The following HMG20A variants were observed in gnomAD, a reference collection of about 807,000 sequenced individuals.
HMG20A encodes high mobility group protein 20A.
In HMG20A, 17 loss-of-function variants were observed where a neutral mutation model predicts 43.9. The observed-to-expected ratio is 0.39, with a 90% CI of 0.27 to 0.58. HMG20A has a LOEUF of 0.58. HMG20A is among the 20% of genes least tolerant of loss of function. The pLI, the probability that HMG20A is intolerant of heterozygous loss-of-function variation, is 0.59. For missense variants in HMG20A, 341 were observed against 438.2 expected, an observed-to-expected ratio of 0.78 and a Z score of 1.98; for synonymous variants, 132 against 147.5, an observed-to-expected ratio of 0.89 and a Z score of 0.76.
At chr15:77,506,486 G>A in the HMG20A span, among the ~76,000 whole-genome samples, 690 of 152,246 alleles carry the variant, frequency 4.5e-3, 1 homozygote, top group African/African-American at 0.016. Context: ...TGGAGTGTGC[G>A]GCTGCCCTCT....
At chr15:77,497,682 A>AGAGAGTGTGTGTGT in the HMG20A span, among the ~76,000 whole-genome samples, 2 of 118,988 alleles carry the variant, frequency 1.7e-5, no homozygotes, top group African/African-American at 6.4e-5. Context: ...AGAGAGAGAG[A>AGAGAGTGTGTGTGT]GTGTGTGTGT....
chr15:77,491,388 G>C, the HMG20A span, among the ~76,000 whole-genome samples: 1 of 152,180 alleles, frequency 6.6e-6, no homozygotes, highest in African/African-American at 2.4e-5. Context: ...GTGGATTTTT[G>C]AAGTAGACTT....
the HMG20A span, among the ~76,000 whole-genome samples, chr15:77,513,465 C>T: frequency 3.3e-5 from 5 of 152,128 alleles, no homozygotes; most frequent in African/African-American, 7.2e-5. Context: ...TGCATCAGTC[C>T]GCCTGGGCCA....
intron 6 of HMG20A, among the ~76,000 whole-genome samples, chr15:77,476,716 A>T (rs1281458111): frequency 1.3e-5 from 2 of 152,176 alleles, no homozygotes; most frequent in Non-Finnish European, 2.9e-5. Context: ...TTATGCCAAC[A>T]CACTTAAAAT....
chr15:77,499,600 C>G, the HMG20A span, among the ~76,000 whole-genome samples: 1 of 152,112 alleles, frequency 6.6e-6, no homozygotes, highest in Non-Finnish European at 1.5e-5. Context: ...CCAGGACAGG[C>G]CTTTGTGGGG....
At chr15:77,490,512 T>C (rs955627226), downstream of HMG20A, among the ~76,000 whole-genome samples, 6 of 152,022 alleles carry the variant, frequency 3.9e-5, no homozygotes, top group Non-Finnish European at 8.8e-5. Flanking sequence ...ATGTGGAGAA[T>C]GAAAGAAAAA....
At chr15:77,430,169 AAT>A (rs1352790062) in intron 1 of HMG20A, among the ~76,000 whole-genome samples, 2 of 152,250 alleles carry the variant, frequency 1.3e-5, no homozygotes, top group East Asian at 3.8e-4. Flanking sequence ...ACATTTTATA[AAT>A]ATGTCTCATT....
Position 77,477,718 on chromosome 15 carries a change from T to C in HMG20A, c.691+88T>C, listed in dbSNP as rs1021246526. On this transcript the variant is annotated intron_variant, in intron 7 of 9. Coordinates refer to ENST00000336216, the MANE Select transcript of HMG20A (RefSeq NM_001304504.2). ...GAAATTCATTGCTCAAAAGCAATGG[T>C]AGTGTTATCCCTCCTTAGGACTACT... 12 of 857,232 alleles carry C rather than the reference T, an allele frequency of 1.4e-5. No homozygotes were observed. In the African/African-American group the frequency reaches 2.0e-4, roughly 14 times the overall value. The allele number at this position is 857,232 out of a possible 1,614,324, so 53.1% of individuals were successfully genotyped here. A position where few individuals can be genotyped will look rare whatever the true frequency, so the allele number is the denominator to read the frequency against.
At chr15:77,478,194 A>T in intron 7 of HMG20A, 101 bp from the exon 8 acceptor site, 1 of 1,142,908 alleles carries the variant, frequency 8.7e-7, no homozygotes, top group Non-Finnish European at 1.3e-6. Flanking sequence ...TGGGGTAGCT[A>T]AATTAGAGGC....
At chr15:77,472,919 C>T (rs1216960671) in intron 6 of HMG20A, among the ~76,000 whole-genome samples, 1 of 152,136 alleles carries the variant, frequency 6.6e-6, no homozygotes, top group African/African-American at 2.4e-5. Flanking sequence ...TATATCCAAC[C>T]CCATACCACC....
intron 1 of HMG20A, among the ~76,000 whole-genome samples, chr15:77,440,411 A>G (rs2073599330): frequency 6.6e-6 from 1 of 152,196 alleles, no homozygotes; most frequent in South Asian, 2.1e-4. Flanking sequence ...TTGGGTATTA[A>G]CTATAAATAA....
chr15:77,470,190 C>A (rs2072794417), intron 4 of HMG20A, among the ~76,000 whole-genome samples: 1 of 152,178 alleles, frequency 6.6e-6, no homozygotes, highest in African/African-American at 2.4e-5. Flanking sequence ...AGTGTGTTTT[C>A]TGTTCATTTA....
the HMG20A span, among the ~76,000 whole-genome samples, chr15:77,501,903 C>T: frequency 3.9e-5 from 6 of 152,250 alleles, no homozygotes; most frequent in East Asian, 1.2e-3. Context: ...TGGAGAAACA[C>T]CAGATGCCTT....
intron 4 of HMG20A, 133 bp from the exon 5 acceptor site, chr15:77,470,777 T>A: frequency 1.4e-6 from 1 of 699,078 alleles, no homozygotes; most frequent in Non-Finnish European, 2.2e-6. Context: ...TTTTTCTGAT[T>A]CTTTTTTAAG....
chr15:77,430,439 G>A (rs2073473076), intron 1 of HMG20A, among the ~76,000 whole-genome samples: 2 of 152,214 alleles, frequency 1.3e-5, no homozygotes, highest in African/African-American at 2.4e-5. Context: ...GAAGGCATCA[G>A]AGACCTGCTG....
At chr15:77,508,275 G>A in the HMG20A span, among the ~76,000 whole-genome samples, 1,783 of 152,158 alleles carry the variant, frequency 0.012, 39 homozygotes, top group African/African-American at 0.041. Flanking sequence ...CTCAGCACCT[G>A]CTTGTCTCAT....
intron 1 of HMG20A, among the ~76,000 whole-genome samples, chr15:77,428,749 T>C (rs375912297): frequency 8.5e-5 from 13 of 152,108 alleles, no homozygotes; most frequent in African/African-American, 3.1e-4. Flanking sequence ...AGGATCGCCT[T>C]AGCTCAGGAG....
At chr15:77,509,782 C>A in the HMG20A span, among the ~76,000 whole-genome samples, 1 of 151,744 alleles carries the variant, frequency 6.6e-6, no homozygotes, top group South Asian at 2.1e-4. Flanking sequence ...TGGTGCATGC[C>A]TGTAATCCCA....
intron 1 of HMG20A, among the ~76,000 whole-genome samples, chr15:77,450,385 T>A (rs1218044811): frequency 3.3e-5 from 5 of 152,234 alleles, no homozygotes; most frequent in Non-Finnish European, 7.3e-5. Context: ...TTATGGTGTA[T>A]CCATTTACCT....
Sources: gnomAD v4.1 joint callset for allele counts (sites outside exome capture counted in the v4.1 genomes callset) on GRCh38, gnomAD v4.1.1 for gene constraint, MANE v1.5 for transcripts, NCBI Gene and HGNC (gene_info 2026-07-23, HGNC 2026-07-21) for gene names.